Variants in HIVEP1 observed in about 807,000 individuals in gnomAD.
The protein encoded by HIVEP1 is zinc finger protein 40.
A neutral mutation model predicts 180.0 loss-of-function variants in HIVEP1; 36 were observed. The ratio of observed to expected loss-of-function variants is 0.20; its 90% confidence interval spans 0.15 to 0.26. HIVEP1 has a LOEUF of 0.26. HIVEP1 is among the 10% of genes least tolerant of loss of function. The pLI is 1.00. For missense variants in HIVEP1, 3,143 were observed against 3,268.7 expected (o/e 0.96, Z 0.94); for synonymous variants, 1,239 against 1,239.0 (o/e 1.00, Z 0.00).
intron 3 of HIVEP1, among the ~76,000 whole-genome samples, chr6:12,105,928 C>T (rs1774396768): frequency 6.6e-6 from 1 of 151,826 alleles, no homozygotes; most frequent in South Asian, 2.1e-4. Context: ...GTGTATGAGA[C>T]TTGAATCTCT....
intron 2 of HIVEP1, among the ~76,000 whole-genome samples, chr6:12,034,590 A>T (rs1230741449): frequency 6.6e-6 from 1 of 152,176 alleles, no homozygotes; most frequent in Non-Finnish European, 1.5e-5. Flanking sequence ...AACAATGAAA[A>T]CTGTCAGGAG....
intron 6 of HIVEP1, among the ~76,000 whole-genome samples, chr6:12,131,927 T>G (rs1468714579): frequency 1.3e-5 from 2 of 152,112 alleles, no homozygotes; most frequent in Non-Finnish European, 1.5e-5. Flanking sequence ...GCAAAATTTA[T>G]TACATTTTTT....
rs200367172 is a variant in HIVEP1 at position 12,120,710 on chromosome 6, A to G, written c.915A>G (p.Ser305=). 174 of 1,614,250 alleles carry G rather than the reference A, an allele frequency of 1.1e-4. No individual in the cohort carries two copies. In the African/African-American group the frequency reaches 2.0e-3, roughly 18 times the overall value. ...NQHNQQLPGC[S]GFTGSLTNLQ... ...ATAATCAACAGCTTCCGGGGTGTTC[A>G]GGTTTCACAGGATCACTGACAAATC... Residue 305 remains serine (S), a synonymous_variant, in exon 4 of 9, where the codon TCA becomes TCG. Coordinates refer to ENST00000379388, the MANE Select transcript of HIVEP1 (RefSeq NM_002114.4).
At chr6:12,055,900 A>C (rs1770837197) in intron 2 of HIVEP1, among the ~76,000 whole-genome samples, 1 of 152,220 alleles carries the variant, frequency 6.6e-6, no homozygotes, top group South Asian at 2.1e-4. Context: ...GAGCACAGGG[A>C]GATATGGAAG....
At chr6:12,078,739 A>G (rs1772564661) in intron 2 of HIVEP1, among the ~76,000 whole-genome samples, 1 of 115,932 alleles carries the variant, frequency 8.6e-6, no homozygotes, top group African/African-American at 2.6e-5. Flanking sequence ...TACTTTTAAC[A>G]TTTGTTATAG....
At chr6:12,146,173 T>C (rs1581781095) in intron 7 of HIVEP1, among the ~76,000 whole-genome samples, 1 of 152,238 alleles carries the variant, frequency 6.6e-6, no homozygotes, top group African/African-American at 2.4e-5. Flanking sequence ...CCGGGTGCAG[T>C]GGCTCACACC....
At chr6:12,194,359 T>C in the HIVEP1 span, among the ~76,000 whole-genome samples, 1 of 149,254 alleles carries the variant, frequency 6.7e-6, no homozygotes, top group Admixed American at 6.6e-5. Context: ...TAAAGGAGAG[T>C]ACAGAGAGAG....
intron 2 of HIVEP1, among the ~76,000 whole-genome samples, chr6:12,051,236 T>C (rs1408444758): frequency 6.6e-6 from 1 of 151,808 alleles, no homozygotes; most frequent in East Asian, 1.9e-4. Flanking sequence ...TATGTCCCAC[T>C]ACGGATATAG....
intron 2 of HIVEP1, among the ~76,000 whole-genome samples, chr6:12,039,847 C>G (rs1769554721): frequency 1.3e-5 from 2 of 152,096 alleles, no homozygotes; most frequent in South Asian, 2.1e-4. Context: ...CATGAGCAGC[C>G]TGGATCTTGG....
intron 2 of HIVEP1, among the ~76,000 whole-genome samples, chr6:12,076,388 T>TAG (rs1252271892): frequency 6.7e-6 from 1 of 149,594 alleles, no homozygotes; most frequent in Non-Finnish European, 1.5e-5. Context: ...GAAAACATCT[T>TAG]AGAGAGAGAG....
the HIVEP1 span, among the ~76,000 whole-genome samples, chr6:12,171,938 G>A: frequency 6.6e-6 from 1 of 152,088 alleles, no homozygotes; most frequent in Admixed American, 6.6e-5. Context: ...CCCTCCACTT[G>A]ATTCTCAAGC....
chr6:12,041,965 GTTT>G (rs1333428036), intron 2 of HIVEP1, among the ~76,000 whole-genome samples: 1 of 147,806 alleles, frequency 6.8e-6, no homozygotes, highest in Non-Finnish European at 1.5e-5. Flanking sequence ...GGCCAGTTTT[GTTT>G]TTTATTTCTT....
At chr6:12,195,139 T>G in the HIVEP1 span, among the ~76,000 whole-genome samples, 1 of 152,234 alleles carries the variant, frequency 6.6e-6, no homozygotes, top group African/African-American at 2.4e-5. Context: ...TGACTCCAGA[T>G]AAATTATATT....
chr6:12,014,817 C>A (rs150941256), intron 1 of HIVEP1, among the ~76,000 whole-genome samples: 1 of 152,324 alleles, frequency 6.6e-6, no homozygotes, highest in East Asian at 1.9e-4. Context: ...TCTCAAACCT[C>A]ACTTATTTAA....
intron 3 of HIVEP1, among the ~76,000 whole-genome samples, chr6:12,095,193 T>A (rs10080476): frequency 6.6e-6 from 1 of 151,994 alleles, no homozygotes; most frequent in Non-Finnish European, 1.5e-5. Context: ...TTTCTTTTTA[T>A]TTTGCCAACA....
chr6:12,176,782 T>G, the HIVEP1 span, among the ~76,000 whole-genome samples: 2 of 152,226 alleles, frequency 1.3e-5, no homozygotes, highest in Non-Finnish European at 1.5e-5. Flanking sequence ...ATTCTGTAGA[T>G]TGTTTACTCT....
chr6:12,161,431 T>C lies in HIVEP1; in HGVS notation c.6488-8T>C. On this transcript the variant is annotated splice_polypyrimidine_tract_variant and splice_region_variant and intron_variant, in intron 7 of 8. Transcript: ENST00000379388. The stretch of plus-strand genomic sequence containing the variant: ...TTCCATCACATACCTCTTGGTTGTT[T>C]TTATTAGATGAAAAACAGAGATTCA... The C allele has an allele frequency of 1.2e-6, 2 of 1,605,474 alleles. No individual in the cohort carries two copies. Among genetic ancestry groups the C allele is most frequent in the South Asian group, 2.2e-5 (2 of 90,282 alleles).
At chr6:12,154,548 G>A (rs1009570113) in intron 7 of HIVEP1, among the ~76,000 whole-genome samples, 1 of 152,076 alleles carries the variant, frequency 6.6e-6, no homozygotes, top group Non-Finnish European at 1.5e-5. Flanking sequence ...TTTACTTTAT[G>A]GTGTATAGTA....
Position 12,163,331 on chromosome 6 carries a change from C to A in HIVEP1, c.7027C>A (p.Gln2343Lys). 5 of 1,614,222 alleles carry A rather than the reference C, an allele frequency of 3.1e-6. No homozygotes were observed. Among genetic ancestry groups the A allele is most frequent in the Non-Finnish European group, 4.2e-6 (5 of 1,180,036 alleles). The change falls in exon 9 of 9, where the codon CAG (glutamine) becomes AAG (lysine). Residue 2343 changes from glutamine (Q) to lysine (K), a missense_variant. By Grantham distance (53) the Gln-to-Lys change is moderately conservative. Coordinates refer to ENST00000379388, the MANE Select transcript of HIVEP1 (RefSeq NM_002114.4). ...LPPAAAEHSP[Q>K]TAAGMPSVAS... ...TCCTGCTGCAGCTGAGCACAGCCCC[C>A]AGACAGCAGCGGGGATGCCTTCTGT...
Sources: allele counts gnomAD v4.1 joint callset (sites outside exome capture counted in the v4.1 genomes callset), GRCh38; gene constraint gnomAD v4.1.1; transcripts MANE v1.5; gene names NCBI Gene and HGNC (gene_info 2026-07-23, HGNC 2026-07-21).